COQ9: variants seen among roughly 807,000 people sequenced by gnomAD.
COQ9 encodes the protein ubiquinone biosynthesis protein COQ9, mitochondrial.
COQ9 carries 35 observed loss-of-function variants against 42.4 expected under a neutral mutation model. The observed-to-expected ratio is 0.83, with a 90% CI of 0.63 to 1.10. The LOEUF is 1.10. Ranked by LOEUF, COQ9 falls within the 50% of genes least tolerant of loss-of-function variation. COQ9 has a pLI of 0.00. For missense variants in COQ9, 406 were observed against 414.6 expected (o/e 0.98, Z 0.18); for synonymous variants, 155 against 155.1 (o/e 1.00, Z 0.00).
intron 7 of COQ9, 80 bp from the exon 8 acceptor site, chr16:57,459,971 G>A: frequency 1.4e-6 from 2 of 1,380,260 alleles, no homozygotes; most frequent in Non-Finnish European, 2.1e-6. Context: ...GGGGCTCATA[G>A]GCCTCCTGAT....
At position 57,447,502 on chromosome 16, in the gene COQ9, C is replaced by G; in HGVS notation, c.-4C>G. On this transcript the variant is annotated 5_prime_UTR_variant, in exon 1 of 9. Transcript: ENST00000262507. Reference sequence around the variant, plus strand: ...TCGCCGTGGGCGACGTGCCCGCTTCCAAAATGGCGGCGGCGGCGGTATCTG... The same window carrying G: ...TCGCCGTGGGCGACGTGCCCGCTTCGAAAATGGCGGCGGCGGCGGTATCTG... 1 of 1,305,096 alleles carries G rather than the reference C, an allele frequency of 7.7e-7. No homozygotes were observed. The highest frequency in any genetic ancestry group is 3.5e-5 in the Admixed American group (1 of 28,546). The allele number at this position is 1,305,096 out of a possible 1,614,324, so 80.8% of individuals were successfully genotyped here. A position where few individuals can be genotyped will look rare whatever the true frequency, so the allele number is the denominator to read the frequency against.
chr16:57,458,066 C>G (rs2030445706), intron 5 of COQ9, 180 bp from the exon 6 acceptor site: 1 of 645,470 alleles, frequency 1.5e-6, no homozygotes, highest in South Asian at 1.6e-5. Context: ...GCCCCTGGCT[C>G]TCCTCAGCTG....
rs1307137303 is a variant in COQ9 at position 57,460,603 on chromosome 16, AG to A, written c.938del (p.Gly313ValfsTer2). On this transcript the variant is annotated frameshift_variant, in exon 9 of 9. Coordinates refer to ENST00000262507, the MANE Select transcript of COQ9 (RefSeq NM_020312.4). LOFTEE classifies it high-confidence loss of function. The part of the protein sequence containing the change: ...GAAVTLKNLT[G>X]LNQRR ...TCCCGTGTCAGCTCAAGAACTTGAC[AG>A]GTCTAAACCAGCGTCGGTGAGAGGA... 1 of 1,614,122 alleles carries A rather than the reference AG, an allele frequency of 6.2e-7. No homozygotes were observed. The highest frequency in any genetic ancestry group is 1.7e-5 in the Admixed American group (1 of 60,030).
intron 4 of COQ9, 104 bp from the exon 5 acceptor site, chr16:57,456,827 G>T: frequency 7.7e-7 from 1 of 1,307,000 alleles, no homozygotes; most frequent in African/African-American, 1.4e-5. Context: ...TCAGGCCAGC[G>T]TCAGGAGCTG....
intron 6 of COQ9, among the ~76,000 whole-genome samples, chr16:57,459,076 T>A (rs963574552): frequency 1.3e-5 from 2 of 152,182 alleles, no homozygotes; most frequent in Admixed American, 6.5e-5. Flanking sequence ...AAGAGTAGTT[T>A]GCTAGAACAA....
Position 57,452,809 on chromosome 16 carries a change from A to T in COQ9, c.251A>T (p.Asp84Val). Residue 84 changes from aspartate to valine, a missense_variant, in exon 3 of 9, where the codon GAC (aspartate) becomes GTC (valine). Coordinates refer to ENST00000262507, the MANE Select transcript of COQ9 (RefSeq NM_020312.4). ...ESSHSPPRYTDQGGEEEEDYE... is the reference protein window; with the variant it reads ...ESSHSPPRYTVQGGEEEEDYE... The stretch of plus-strand genomic sequence containing the variant: ...GTGTCCTCTTGTCTCAGGTATACAG[A>T]CCAGGGCGGCGAGGAGGAGGAGGAC... 2 of 1,613,114 alleles carry T rather than the reference A, an allele frequency of 1.2e-6. No homozygotes were observed. The highest frequency in any genetic ancestry group is 2.2e-5 in the South Asian group (2 of 91,018).
chr16:57,460,193 C>T (rs911070831), intron 8 of COQ9, 89 bp downstream of exon 8: 6 of 1,320,412 alleles, frequency 4.5e-6, no homozygotes, highest in Non-Finnish European at 6.5e-6. Flanking sequence ...CATTTTGTAG[C>T]CCTAACCTGG....
chr16:57,454,702 T>C (rs1222263223), intron 3 of COQ9, among the ~76,000 whole-genome samples: 2 of 152,142 alleles, frequency 1.3e-5, no homozygotes, highest in African/African-American at 4.8e-5. Context: ...GAAAGGCTTT[T>C]GAGCTGAGAA....
rs1253952115 is a variant in COQ9, at chr16:57,460,032, T to C, written c.868-19T>C. Reference sequence around the variant, plus strand: ...TTTGTGTTGGTGGCCTAAGGGAACCTGACACTGACTCCTTCTAGGTAAAGT... The same window carrying C: ...TTTGTGTTGGTGGCCTAAGGGAACCCGACACTGACTCCTTCTAGGTAAAGT... On this transcript the variant is annotated intron_variant, in intron 7 of 8. Coordinates refer to ENST00000262507, the MANE Select transcript of COQ9 (RefSeq NM_020312.4). The C allele has an allele frequency of 6.2e-7, 1 of 1,613,738 alleles. No homozygotes were observed. Among genetic ancestry groups the C allele is most frequent in the East Asian group, 2.2e-5 (1 of 44,888 alleles).
intron 3 of COQ9, among the ~76,000 whole-genome samples, chr16:57,454,721 T>C (rs185456641): frequency 1.3e-5 from 2 of 152,122 alleles, no homozygotes; most frequent in East Asian, 1.9e-4. Context: ...AATTGAAGAA[T>C]GAATAGGCTT....
intron 1 of COQ9, among the ~76,000 whole-genome samples, chr16:57,449,700 C>T (rs1277949264): frequency 1.3e-5 from 2 of 152,052 alleles, no homozygotes; most frequent in East Asian, 3.9e-4. Flanking sequence ...GAAACATGTA[C>T]ATATAGATGA....
intron 6 of COQ9, 57 bp from the exon 7 acceptor site, chr16:57,459,508 G>A (rs933833586): frequency 4.4e-6 from 7 of 1,598,240 alleles, no homozygotes; most frequent in Middle Eastern, 3.8e-4. Context: ...ATGGCCTTGG[G>A]TAGGAACTGC....
intron 6 of COQ9, 132 bp downstream of exon 6, chr16:57,458,482 G>A: frequency 4.1e-6 from 3 of 734,606 alleles, no homozygotes; most frequent in Non-Finnish European, 7.2e-6. Context: ...TCTAAGGTAT[G>A]AGGAAGGTCC....
chr16:57,453,086 G>T, intron 3 of COQ9, 150 bp downstream of exon 3: 1 of 963,990 alleles, frequency 1.0e-6, no homozygotes. Flanking sequence ...CCAATAGGGT[G>T]GAACTGGCTT....
At position 57,457,412 on chromosome 16, in the gene COQ9, C is replaced by A. The variant is rs189870201; in HGVS notation, c.606+397C>A. ...TTAGATCTCGAGCACTGGGATTTGT[C>A]AATTGTCAATGTGATGCTTGGGGAC... On this transcript the variant is annotated intron_variant, in intron 5 of 8. Coordinates refer to ENST00000262507, the MANE Select transcript of COQ9 (RefSeq NM_020312.4). 10 of 342,740 alleles carry A rather than the reference C, an allele frequency of 2.9e-5. 1 individual carries two copies. Among genetic ancestry groups the A allele is most frequent in the South Asian group, 2.4e-4 (10 of 41,618 alleles). The allele number at this position is 342,740 out of a possible 1,614,324, so 21.2% of individuals were successfully genotyped here.
rs764426902 is a variant in COQ9 at position 57,447,543 on chromosome 16, C to T, written c.38C>T (p.Ala13Val). The change falls in exon 1 of 9, where the codon GCG (alanine) becomes GTG (valine). Residue 13 changes from alanine (A) to valine (V), a missense_variant. Coordinates refer to ENST00000262507, the MANE Select transcript of COQ9 (RefSeq NM_020312.4). Reference sequence around the variant, plus strand: ...GCGGTATCTGGTGCGCTTGGCCGGGCGGGCTGGAGGCTCCTGCAGCTGCGA... The same window carrying T: ...GCGGTATCTGGTGCGCTTGGCCGGGTGGGCTGGAGGCTCCTGCAGCTGCGA... ...AAAVSGALGRAGWRLLQLRCL... is the reference protein window; with the variant it reads ...AAAVSGALGRVGWRLLQLRCL... 1 of 1,307,232 alleles carries T rather than the reference C, an allele frequency of 7.6e-7. No homozygotes were observed. 81.0% of individuals were successfully genotyped at this position (1,307,232 alleles called of 1,614,324 possible).
rs190134399 is a variant in COQ9, at chr16:57,458,185, C to G, written c.607-61C>G. On this transcript the variant is annotated intron_variant, in intron 5 of 8. Transcript: ENST00000262507. The stretch of plus-strand genomic sequence containing the variant: ...CATACACCTCTTGGAGAGGTAGATG[C>G]TGGTCAACTATGCACCATTACCTGT... 2.2e-4 allele frequency: 274 copies of G among 1,241,716 alleles called. 1 individual carries two copies. In the African/African-American group the frequency reaches 3.6e-3, roughly 16 times the overall value. The allele number at this position is 1,241,716 out of a possible 1,614,324, so 76.9% of individuals were successfully genotyped here.
Position 57,461,024 on chromosome 16 carries a change from A to G in COQ9, c.*400A>G, listed in dbSNP as rs1598040942. On this transcript the variant is annotated 3_prime_UTR_variant, in exon 9 of 9. Transcript: ENST00000262507. The stretch of plus-strand genomic sequence containing the variant: ...AGAGTCAAGGTCTGACGCCACCTCA[A>G]GGTGACAGCTCATCTCCAGCACAGC... 7 of 370,252 alleles carry G rather than the reference A, an allele frequency of 1.9e-5. No individual in the cohort carries two copies. The East Asian group carries it at 2.2e-4, about 12-fold the overall frequency. The allele number at this position is 370,252 out of a possible 1,614,324, so 22.9% of individuals were successfully genotyped here. A position where few individuals can be genotyped will look rare whatever the true frequency, so the allele number is the denominator to read the frequency against.
At chr16:57,447,775 C>A in intron 1 of COQ9, 197 bp downstream of exon 1, 1 of 407,596 alleles carries the variant, frequency 2.5e-6, no homozygotes, top group Non-Finnish European at 4.2e-6. Flanking sequence ...GGGGCAGATG[C>A]AGCGGGGCAG....
Sources: allele counts gnomAD v4.1 joint callset (sites outside exome capture counted in the v4.1 genomes callset), GRCh38; gene constraint gnomAD v4.1.1; transcripts MANE v1.5; gene names NCBI Gene and HGNC (gene_info 2026-07-23, HGNC 2026-07-21).